Variants in CAMKK1 observed in about 807,000 individuals in gnomAD.
CAMKK1 encodes calcium/calmodulin dependent protein kinase kinase 1, also known as calcium/calmodulin-dependent protein kinase kinase 1.
A neutral mutation model predicts 63.5 loss-of-function variants in CAMKK1; 20 were observed. The ratio of observed to expected loss-of-function variants is 0.32; its 90% CI spans 0.22 to 0.46. The LOEUF is 0.46. Ranked by LOEUF, CAMKK1 falls within the 20% of genes least tolerant of loss-of-function variation. CAMKK1 has a pLI of 1.00. For missense variants in CAMKK1, 588 were observed against 658.1 expected (o/e 0.89, Z 1.17); for synonymous variants, 253 against 269.0 (o/e 0.94, Z 0.58).
chr17:3,877,154 C>T (rs1003321255), intron 9 of CAMKK1, among the ~76,000 whole-genome samples: 1 of 152,162 alleles, frequency 6.6e-6, no homozygotes, highest in East Asian at 1.9e-4. Context: ...TTCCATCCCC[C>T]ACCCAGGCTA....
rs1204638322 is a variant in CAMKK1, at chr17:3,889,851, T to A, written c.-44+3088A>T. ...ACAGGACATGCCCCATCCAGCTGCATCCCTCAAAGGAGCCCCAGAGCAGGC... is the reference window on the plus strand; with the variant it reads ...ACAGGACATGCCCCATCCAGCTGCAACCCTCAAAGGAGCCCCAGAGCAGGC... On this transcript the variant is annotated intron_variant, in intron 1 of 15. Transcript: ENST00000348335. The surrounding 1 kb of genome is among the most constrained non-coding windows in gnomAD (Gnocchi z 5.2). Among the ~76,000 whole-genome samples the A allele has an allele frequency of 6.6e-6, 1 of 152,156 alleles. No homozygotes were observed. The highest frequency in any genetic ancestry group is 2.4e-5 in the African/African-American group (1 of 41,452).
In CAMKK1 at chr17:3,862,363, G is replaced by A. The variant is rs1015177034; in HGVS notation, c.1446-80C>T. 5.1e-6 allele frequency: 6 copies of A among 1,171,760 alleles called. No individual in the cohort carries two copies. The highest frequency in any genetic ancestry group is 7.5e-6 in the Non-Finnish European group (6 of 804,442). 72.6% of individuals were successfully genotyped at this position (1,171,760 alleles called of 1,614,324 possible). ...GGAGACACTCTCCCTCACACACACAGGAATCTGAATCCCACATCTCTCAAA... is the reference window on the plus strand; with the variant it reads ...GGAGACACTCTCCCTCACACACACAAGAATCTGAATCCCACATCTCTCAAA... On this transcript the variant is annotated intron_variant, in intron 15 of 15. Transcript: ENST00000348335. The surrounding 1 kb of genome is among the most constrained non-coding windows in gnomAD (Gnocchi z 4.1).
At chr17:3,888,684 C>T (rs772139857) in intron 1 of CAMKK1, among the ~76,000 whole-genome samples, 11 of 152,316 alleles carry the variant, frequency 7.2e-5, no homozygotes, top group East Asian at 1.9e-4. Context: ...GATGCGCGGG[C>T]GGGCGGAAGG....
In CAMKK1 at chr17:3,883,922, C is replaced by A; in HGVS notation, c.424G>T (p.Val142Leu). The change falls in exon 4 of 16, where the codon GTG becomes TTG. Residue 142 changes from valine to leucine, a missense_variant. Coordinates refer to ENST00000348335, the MANE Select transcript of CAMKK1 (RefSeq NM_032294.3). The surrounding 1 kb of genome is among the most constrained non-coding windows in gnomAD (Gnocchi z 4.7). ...TCACTTTCGTTGTAGGCCAGCCTCA[C>A]CACACCGTAGGCACCCTGCAGATAG... The part of the protein sequence containing the change: ...SEIGKGAYGV[V>L]RLAYNESEDR... 1 of 1,613,848 alleles carries A rather than the reference C, an allele frequency of 6.2e-7. No individual in the cohort carries two copies. The highest frequency in any genetic ancestry group is 8.5e-7 in the Non-Finnish European group (1 of 1,179,964).
chr17:3,885,759 C>A (rs779592085), intron 1 of CAMKK1, 29 bp from the exon 2 acceptor site: 1 of 1,581,144 alleles, frequency 6.3e-7, no homozygotes, highest in South Asian at 1.1e-5. Flanking sequence ...GAAGGCTTCA[C>A]TCCTGGGTGT....
chr17:3,869,648 G>A (rs891426974), intron 13 of CAMKK1, 33 bp from the exon 14 acceptor site: 1 of 1,613,946 alleles, frequency 6.2e-7, no homozygotes, highest in South Asian at 1.1e-5. Flanking sequence ...GAGAGGGGGA[G>A]AGGTCAGGCC....
At chr17:3,872,115 G>A (rs1220567201) in intron 12 of CAMKK1, among the ~76,000 whole-genome samples, 1 of 152,188 alleles carries the variant, frequency 6.6e-6, no homozygotes, top group Non-Finnish European at 1.5e-5. Flanking sequence ...AGGAAGAGTG[G>A]CTTGAGTCCC....
intron 15 of CAMKK1, chr17:3,865,593 T>TGA (rs941233994): frequency 8.5e-7 from 1 of 1,169,734 alleles, no homozygotes; most frequent in African/African-American, 1.6e-5. Context: ...CTGGACCCAG[T>TGA]GAGAGAGTGA....
Position 3,862,020 on chromosome 17 carries a change from C to T in CAMKK1, c.*191G>A, listed in dbSNP as rs777046744. On this transcript the variant is annotated 3_prime_UTR_variant, in exon 16 of 16. Transcript: ENST00000348335. The surrounding 1 kb of genome is among the most constrained non-coding windows in gnomAD (Gnocchi z 4.1). ...TCGTGGGAGCCCTGCCCCCAAGACC[C>T]CAAATGACATACATTCCAGTCTGTC... is the stretch of plus-strand genomic sequence containing the variant. The T allele has an allele frequency of 1.7e-6, 1 of 600,184 alleles. No individual in the cohort carries two copies. Among genetic ancestry groups the T allele is most frequent in the Non-Finnish European group, 3.0e-6 (1 of 335,352 alleles). 37.2% of individuals were successfully genotyped at this position (600,184 alleles called of 1,614,324 possible). A position where few individuals can be genotyped will look rare whatever the true frequency, so the allele number is the denominator to read the frequency against.
intron 14 of CAMKK1, among the ~76,000 whole-genome samples, chr17:3,868,453 G>A (rs2054671553): frequency 6.6e-6 from 1 of 150,426 alleles, no homozygotes; most frequent in Non-Finnish European, 1.5e-5. Flanking sequence ...GTGGGCTCTG[G>A]GGGAGACGCA....
intron 12 of CAMKK1, among the ~76,000 whole-genome samples, chr17:3,871,333 G>GTTTTTTTTTTTTTGTTTTTTTTTTTTTT (rs1348635302): frequency 9.0e-5 from 10 of 111,036 alleles, no homozygotes; most frequent in African/African-American, 1.3e-4. Context: ...GTTGTTTTTT[G>GTTTTTTTTTTTTTGTTTTTTTTTTTTTT]TTTTTTTTTT....
Position 3,869,583 on chromosome 17 carries a change from C to T in CAMKK1, c.1245G>A (p.Glu415=), listed in dbSNP as rs1247866600. ...AGTGCTCCTCCTCCGAAGGAAGGGG[C>T]TCCTCCCCGTTCTTGGTCACCCAAG... The part of the protein sequence containing the change: ...LHPWVTKNGE[E]PLPSEEEHCS... The change falls in exon 14 of 16, where the codon GAG becomes GAA. Residue 415 remains glutamate (E), a synonymous_variant. Transcript: ENST00000348335. 1.9e-6 allele frequency: 3 copies of T among 1,614,116 alleles called. No individual in the cohort carries two copies. The highest frequency in any genetic ancestry group is 2.2e-5 in the East Asian group (1 of 44,890).
Position 3,890,781 on chromosome 17 carries a change from C to A in CAMKK1, c.-44+2158G>T, listed in dbSNP as rs529183575. 1 of 779,808 alleles carries A rather than the reference C, an allele frequency of 1.3e-6. No individual in the cohort carries two copies. Among genetic ancestry groups the A allele is most frequent in the South Asian group, 1.3e-5 (1 of 74,620 alleles). 48.3% of individuals were successfully genotyped at this position (779,808 alleles called of 1,614,324 possible). On this transcript the variant is annotated intron_variant, in intron 1 of 15. Transcript: ENST00000348335. This position sits in a 1 kb window ranked among gnomAD's most constrained non-coding sequence, Gnocchi z 6.5. ...TACAAGCTGTGCCTTCTGCCAGGAA[C>A]ACACCTCCCTCTCCTCTGCTGCCTG...
chr17:3,871,403 G>A (rs2054862669), intron 12 of CAMKK1, among the ~76,000 whole-genome samples: 1 of 127,882 alleles, frequency 7.8e-6, no homozygotes, highest in Admixed American at 1.0e-4. Flanking sequence ...CGCCCAGGCT[G>A]GAGTGCAGTA....
chr17:3,868,083 ACG>A (rs2054625453), intron 14 of CAMKK1, among the ~76,000 whole-genome samples: 1 of 93,006 alleles, frequency 1.1e-5, no homozygotes, highest in Non-Finnish European at 2.1e-5. Flanking sequence ...TCTAACTGAT[ACG>A]TGGGCTCTGG....
intron 14 of CAMKK1, among the ~76,000 whole-genome samples, chr17:3,868,944 C>G (rs141830571): frequency 6.6e-6 from 1 of 150,438 alleles, no homozygotes; most frequent in East Asian, 2.0e-4. Flanking sequence ...TGAGCCACCG[C>G]GCCCGGTATT....
At chr17:3,877,349 C>T (rs976849826) in intron 9 of CAMKK1, among the ~76,000 whole-genome samples, 5 of 152,104 alleles carry the variant, frequency 3.3e-5, no homozygotes, top group Admixed American at 6.5e-5. Context: ...TATAGTAGGA[C>T]GAATCCCAAA....
chr17:3,876,757 GTTTT>G (rs59503016), intron 9 of CAMKK1, among the ~76,000 whole-genome samples: 1 of 101,356 alleles, frequency 9.9e-6, no homozygotes. Flanking sequence ...TTTTTTTTTG[GTTTT>G]TTTTTTTTTT....
intron 13 of CAMKK1, 36 bp from the exon 14 acceptor site, chr17:3,869,651 G>A: frequency 1.2e-6 from 2 of 1,613,896 alleles, no homozygotes; most frequent in Non-Finnish European, 1.7e-6. Flanking sequence ...AGGGGGAGAG[G>A]TCAGGCCATT....
Sources: allele counts gnomAD v4.1 joint callset (sites outside exome capture counted in the v4.1 genomes callset), GRCh38; gene constraint gnomAD v4.1.1; non-coding constraint Gnocchi (gnomAD v3.1); transcripts MANE v1.5; gene names NCBI Gene and HGNC (gene_info 2026-07-23, HGNC 2026-07-21).